MCTP1: variants seen among roughly 807,000 people sequenced by gnomAD.
MCTP1 encodes the protein multiple C2 and transmembrane domain-containing protein 1.
MCTP1 carries 69 observed loss-of-function variants against 120.6 expected under a neutral mutation model. The observed-to-expected ratio is 0.57, with a 90% CI of 0.47 to 0.70. The LOEUF is 0.70. Among genes scored for constraint, MCTP1 ranks in the 30% least tolerant of loss-of-function variants. MCTP1 has a pLI of 0.00. For synonymous variants in MCTP1, 529 were observed against 493.1 expected, an observed-to-expected ratio of 1.07 and a Z score of -0.96; for missense variants, 1,203 against 1,248.8, an observed-to-expected ratio of 0.96 and a Z score of 0.55.
At chr5:95,108,478 T>C (rs1757249178) in intron 1 of MCTP1, among the ~76,000 whole-genome samples, 1 of 152,186 alleles carries the variant, frequency 6.6e-6, no homozygotes, top group African/African-American at 2.4e-5. Flanking sequence ...AAGCCACTAA[T>C]ATATTTTAAA....
chr5:94,930,743 T>C (rs1478450731), intron 6 of MCTP1: 1 of 152,206 alleles, frequency 6.6e-6, no homozygotes, highest in East Asian at 1.9e-4. Flanking sequence ...TATCCAATTA[T>C]ATGAATTTAA....
intron 19 of MCTP1, among the ~76,000 whole-genome samples, chr5:94,724,378 G>A (rs924315098): frequency 1.3e-5 from 2 of 151,230 alleles, no homozygotes; most frequent in Non-Finnish European, 2.9e-5. Context: ...CTTGAGTAGC[G>A]GGGACCACAG....
chr5:94,711,013 T>G, intron 20 of MCTP1, 86 bp from the exon 21 acceptor site: 2 of 887,616 alleles, frequency 2.3e-6, no homozygotes, highest in Non-Finnish European at 1.8e-6. Flanking sequence ...ACTTGGGACC[T>G]AGTTAGTCTG....
At chr5:94,867,249 T>C in intron 17 of MCTP1, 1 of 1,470,464 alleles carries the variant, frequency 6.8e-7, no homozygotes, top group Middle Eastern at 1.8e-4. Context: ...ATAATGACAA[T>C]TGCTTTCTTT....
chr5:94,717,184 A>C (rs555510558), intron 19 of MCTP1, among the ~76,000 whole-genome samples: 1 of 152,338 alleles, frequency 6.6e-6, no homozygotes, highest in South Asian at 2.1e-4. Flanking sequence ...TACCATAATC[A>C]AGTTGGCTTC....
chr5:94,747,563 T>C (rs1767206805), intron 19 of MCTP1, among the ~76,000 whole-genome samples: 1 of 152,198 alleles, frequency 6.6e-6, no homozygotes. Context: ...TGGGTGTAGT[T>C]GTATGCCAAT....
chr5:94,796,506 G>C (rs576321479), intron 18 of MCTP1, among the ~76,000 whole-genome samples: 1 of 149,488 alleles, frequency 6.7e-6, no homozygotes, highest in South Asian at 2.1e-4. Flanking sequence ...GAGAGTCAAT[G>C]CATCGCAGCA....
intron 22 of MCTP1, among the ~76,000 whole-genome samples, chr5:94,708,015 A>T (rs1274431953): frequency 6.6e-6 from 1 of 151,732 alleles, no homozygotes; most frequent in Non-Finnish European, 1.5e-5. Flanking sequence ...AAAACAGCTG[A>T]TGGTTAATGG....
At chr5:95,143,756 T>C (rs1173089442) in intron 1 of MCTP1, among the ~76,000 whole-genome samples, 2 of 152,220 alleles carry the variant, frequency 1.3e-5, no homozygotes, top group Non-Finnish European at 2.9e-5. Flanking sequence ...TATGGCTGCA[T>C]ATTATTCCAT....
intron 17 of MCTP1, among the ~76,000 whole-genome samples, chr5:94,828,452 A>C (rs865802298): frequency 6.6e-6 from 1 of 152,234 alleles, no homozygotes; most frequent in Non-Finnish European, 1.5e-5. Context: ...TTAAGGAAGC[A>C]GACTGTCCCT....
At chr5:95,131,068 T>C (rs900821733) in intron 1 of MCTP1, among the ~76,000 whole-genome samples, 1 of 152,194 alleles carries the variant, frequency 6.6e-6, no homozygotes, top group East Asian at 1.9e-4. Context: ...TGAGAACTGC[T>C]AGTGGCCAAT....
intron 1 of MCTP1, among the ~76,000 whole-genome samples, chr5:95,106,097 A>C (rs765835394): frequency 2.6e-5 from 4 of 152,238 alleles, no homozygotes; most frequent in Admixed American, 6.5e-5. Context: ...TTTCCCTGAC[A>C]TGGTGATCAT....
Position 94,868,356 on chromosome 5 carries a change from G to T in MCTP1, c.2413C>A (p.Pro805Thr). 1.9e-6 allele frequency: 3 copies of T among 1,605,060 alleles called. No homozygotes were observed. Among genetic ancestry groups the T allele is most frequent in the Non-Finnish European group, 2.6e-6 (3 of 1,175,906 alleles). ...ACCACAAAAGCAGCGAGACTCCTTG[G>T]GGGTGAATCCCAATCAAAGCAACTA... Reference protein sequence around the residue: ...VNSCFDWDSPPRSLAAFVLFL... With the variant: ...VNSCFDWDSPTRSLAAFVLFL... The change falls in exon 17 of 23, where the codon CCA (proline) becomes ACA (threonine). Residue 805 changes from proline to threonine, a missense_variant. By Grantham distance (38) the Pro-to-Thr change is conservative (BLOSUM62 -1). This residue lies in a region of MCTP1 where 740 missense variants were observed against 871.1 expected (regional missense o/e 0.85). Coordinates refer to ENST00000515393, the MANE Select transcript of MCTP1 (RefSeq NM_024717.7).
intron 2 of MCTP1, among the ~76,000 whole-genome samples, chr5:94,983,122 A>G (rs1166380985): frequency 6.6e-6 from 1 of 152,142 alleles, no homozygotes; most frequent in East Asian, 1.9e-4. Context: ...CAGCAAGAAA[A>G]CAGACTAATA....
chr5:94,971,103 CTTAGAAAAGTCACTTAGGCTCTG>C (rs1315650157), intron 2 of MCTP1, among the ~76,000 whole-genome samples: 2 of 152,026 alleles, frequency 1.3e-5, no homozygotes, highest in Non-Finnish European at 2.9e-5. Context: ...GAACTATGAT[CTTAGAAAAGTCACTTAGGCTCTG>C]TTGTATACAG....
At chr5:95,165,674 G>T (rs1463388788) in intron 1 of MCTP1, among the ~76,000 whole-genome samples, 1 of 152,146 alleles carries the variant, frequency 6.6e-6, no homozygotes, top group African/African-American at 2.4e-5. Flanking sequence ...CCTGAAGTCC[G>T]CTTGAAACTT....
chr5:94,774,805 T>C (rs1315176056), intron 19 of MCTP1, among the ~76,000 whole-genome samples: 1 of 152,260 alleles, frequency 6.6e-6, no homozygotes, highest in East Asian at 1.9e-4. Context: ...ATTTTCCTTG[T>C]GCCTCCTTTC....
intron 11 of MCTP1, among the ~76,000 whole-genome samples, chr5:94,891,567 T>C (rs938021949): frequency 1.1e-4 from 16 of 152,140 alleles, no homozygotes; most frequent in Non-Finnish European, 4.4e-5. Flanking sequence ...TCCTTTCACA[T>C]TGGTAGCCTC....
At chr5:95,079,045 C>T (rs1372598374) in intron 1 of MCTP1, among the ~76,000 whole-genome samples, 2 of 152,114 alleles carry the variant, frequency 1.3e-5, no homozygotes, top group East Asian at 1.9e-4. Context: ...TCCTATCCCA[C>T]TAGTGAAATG....
Sources: gnomAD v4.1 joint callset for allele counts (sites outside exome capture counted in the v4.1 genomes callset) on GRCh38, gnomAD v4.1.1 for gene constraint, gnomAD v4.1.1 regional missense constraint, MANE v1.5 for transcripts, NCBI Gene and HGNC (gene_info 2026-07-23, HGNC 2026-07-21) for gene names.